Variants in CDK5RAP2 observed in about 807,000 individuals in gnomAD.
CDK5RAP2 encodes the protein CDK5 regulatory subunit associated protein 2.
Under a neutral mutation model 232.9 loss-of-function variants are expected in CDK5RAP2, and 147 were observed. The observed-to-expected ratio is 0.63, with a 90% confidence interval of 0.55 to 0.72. The LOEUF (loss-of-function observed/expected upper bound fraction) is 0.72, where lower values mean the gene tolerates loss of function less well. Ranked by LOEUF, CDK5RAP2 falls within the 30% of genes least tolerant of loss-of-function variation. CDK5RAP2 has a pLI of 0.00. For missense variants in CDK5RAP2, 2,195 were observed against 2,231.5 expected (o/e 0.98, Z 0.33); for synonymous variants, 833 against 833.7 (o/e 1.00, Z 0.01).
intron 7 of CDK5RAP2, 92 bp downstream of exon 7, chr9:120,536,280 A>C: frequency 7.2e-7 from 1 of 1,382,072 alleles, no homozygotes; most frequent in Non-Finnish European, 1.0e-6. Context: ...CATGGGGAGA[A>C]GGGAGGGATA....
chr9:120,433,691 G>T (rs1017529838), intron 25 of CDK5RAP2, among the ~76,000 whole-genome samples: 2 of 152,212 alleles, frequency 1.3e-5, no homozygotes, highest in African/African-American at 4.8e-5. Flanking sequence ...TCATTGTGAA[G>T]TTTAAATCAA....
At chr9:120,409,369 C>A (rs939750177) in intron 29 of CDK5RAP2, 53 bp from the exon 30 acceptor site, 12 of 1,297,610 alleles carry the variant, frequency 9.2e-6, no homozygotes, top group Non-Finnish European at 1.3e-5. Flanking sequence ...TTTTTTCCAA[C>A]CTTATTATAT....
chr9:120,518,734 G>GA (rs1375726490), intron 11 of CDK5RAP2, 89 bp from the exon 12 acceptor site: 5 of 964,094 alleles, frequency 5.2e-6, no homozygotes, highest in South Asian at 2.8e-5. Context: ...CGCCGTGGGG[G>GA]AAAAAAAGAA....
intron 6 of CDK5RAP2, among the ~76,000 whole-genome samples, chr9:120,537,785 C>T (rs887343245): frequency 1.3e-5 from 2 of 152,048 alleles, no homozygotes; most frequent in East Asian, 1.9e-4. Flanking sequence ...CTATAAAGAG[C>T]TTAGAAGGAT....
At chr9:120,406,848 G>A (rs557506030) in intron 32 of CDK5RAP2, 164 bp downstream of exon 32, 30 of 619,620 alleles carry the variant, frequency 4.8e-5, no homozygotes, top group South Asian at 3.0e-4. Flanking sequence ...CAAGGTGACC[G>A]CTAATTAATT....
At chr9:120,483,347 A>C (rs765377277) in intron 14 of CDK5RAP2, among the ~76,000 whole-genome samples, 2 of 152,216 alleles carry the variant, frequency 1.3e-5, no homozygotes, top group Non-Finnish European at 2.9e-5. Flanking sequence ...CTCTCCCAGG[A>C]ACTGAGAGAT....
intron 28 of CDK5RAP2, among the ~76,000 whole-genome samples, chr9:120,412,547 G>C (rs906489447): frequency 2.6e-5 from 4 of 152,220 alleles, no homozygotes; most frequent in African/African-American, 9.6e-5. Flanking sequence ...CTGTCTGAGA[G>C]ACTGGAATGC....
intron 25 of CDK5RAP2, among the ~76,000 whole-genome samples, chr9:120,431,594 C>T (rs905741350): frequency 2.6e-5 from 4 of 152,112 alleles, no homozygotes; most frequent in African/African-American, 9.7e-5. Flanking sequence ...GGGTGGTGGG[C>T]TGGCAAAGGC....
intron 16 of CDK5RAP2, among the ~76,000 whole-genome samples, chr9:120,471,138 A>T (rs542809860): frequency 6.6e-6 from 1 of 152,172 alleles, no homozygotes; most frequent in East Asian, 1.9e-4. Context: ...GTTATTACCA[A>T]TTTTTACCAT....
chr9:120,462,655 G>C (rs1411199147), intron 18 of CDK5RAP2, among the ~76,000 whole-genome samples: 1 of 152,168 alleles, frequency 6.6e-6, no homozygotes, highest in African/African-American at 2.4e-5. Flanking sequence ...ATATACAAAA[G>C]AGAATATACT....
intron 15 of CDK5RAP2, among the ~76,000 whole-genome samples, chr9:120,473,670 A>G (rs1374438462): frequency 6.6e-6 from 1 of 152,238 alleles, no homozygotes. Context: ...TAAGACAATC[A>G]TAATGATCAA....
intron 12 of CDK5RAP2, among the ~76,000 whole-genome samples, chr9:120,512,838 C>G (rs1362844705): frequency 6.6e-6 from 1 of 152,270 alleles, no homozygotes; most frequent in African/African-American, 2.4e-5. Context: ...GGGAGCATCA[C>G]GCGGGCACAC....
At chr9:120,564,091 G>A (rs2042556523) in intron 3 of CDK5RAP2, among the ~76,000 whole-genome samples, 1 of 152,154 alleles carries the variant, frequency 6.6e-6, no homozygotes, top group Non-Finnish European at 1.5e-5. Flanking sequence ...CTATTCCATA[G>A]TATCTACTGT....
intron 12 of CDK5RAP2, among the ~76,000 whole-genome samples, chr9:120,516,736 G>A (rs981168723): frequency 6.6e-6 from 1 of 152,154 alleles, no homozygotes; most frequent in Admixed American, 6.5e-5. Context: ...GGGTGAGGCA[G>A]TAGGATCCCT....
intron 25 of CDK5RAP2, among the ~76,000 whole-genome samples, chr9:120,424,333 T>C (rs560243585): frequency 2.3e-4 from 35 of 152,320 alleles, no homozygotes; most frequent in African/African-American, 7.2e-4. Context: ...GAAAGGTAGA[T>C]AGAGGTTGAC....
chr9:120,554,746 G>C (rs1301618017), intron 3 of CDK5RAP2, among the ~76,000 whole-genome samples: 1 of 152,072 alleles, frequency 6.6e-6, no homozygotes, highest in East Asian at 1.9e-4. Context: ...CCATTCTCCT[G>C]CCTCAGCCTC....
chr9:120,568,475 A>G lies in CDK5RAP2; in HGVS notation c.128-87T>C, dbSNP rs992013443. ...GGGAATAGAGCACAGAGAGGAAAAC[A>G]ACACGAACTGCTTCCACAGTACACG... is the stretch of plus-strand genomic sequence containing the variant. On this transcript the variant is annotated intron_variant, in intron 2 of 37. Coordinates refer to ENST00000349780, the MANE Select transcript of CDK5RAP2 (RefSeq NM_018249.6). 20 of 930,770 alleles carry G rather than the reference A, an allele frequency of 2.1e-5. No individual in the cohort carries two copies. The Admixed American group carries it at 3.0e-4, about 14-fold the overall frequency. The allele number at this position is 930,770 out of a possible 1,614,324, so 57.7% of individuals were successfully genotyped here. A position where few individuals can be genotyped will look rare whatever the true frequency, so the allele number is the denominator to read the frequency against.
intron 35 of CDK5RAP2, among the ~76,000 whole-genome samples, chr9:120,397,491 G>A (rs141591396): frequency 0.016 from 1,984 of 123,580 alleles, 55 homozygotes; most frequent in African/African-American, 0.058. Context: ...CTTGGCCTCT[G>A]AAAGTGCTGG....
At chr9:120,520,753 A>ATC (rs1554771916) in intron 11 of CDK5RAP2, among the ~76,000 whole-genome samples, 4 of 120,458 alleles carry the variant, frequency 3.3e-5, no homozygotes, top group Non-Finnish European at 5.2e-5. Flanking sequence ...GATATCTCAT[A>ATC]TCTCATGAGA....
Sources: gnomAD v4.1 joint callset for allele counts (sites outside exome capture counted in the v4.1 genomes callset) on GRCh38, gnomAD v4.1.1 for gene constraint, MANE v1.5 for transcripts, NCBI Gene and HGNC (gene_info 2026-07-23, HGNC 2026-07-21) for gene names.